Variants in NCALD observed in about 807,000 individuals in gnomAD.
The protein encoded by NCALD is neurocalcin delta.
A neutral mutation model predicts 18.6 loss-of-function variants in NCALD; 10 were observed. The ratio of observed to expected loss-of-function variants is 0.54; its 90% CI spans 0.33 to 0.91. NCALD has a LOEUF of 0.91. Among genes scored for constraint, NCALD ranks in the 40% least tolerant of loss-of-function variants. The pLI, the probability that NCALD is intolerant of heterozygous loss-of-function variation, is 0.03. For missense variants in NCALD, 184 were observed against 247.6 expected (o/e 0.74, Z 1.72); for synonymous variants, 88 against 87.4 (o/e 1.01, Z -0.04).
At chr8:101,706,620 G>A (rs1397216570) in intron 2 of NCALD, among the ~76,000 whole-genome samples, 2 of 152,182 alleles carry the variant, frequency 1.3e-5, no homozygotes, top group Non-Finnish European at 2.9e-5. Context: ...ATGCAATCAA[G>A]TTAACATGAG....
intron 2 of NCALD, among the ~76,000 whole-genome samples, chr8:102,005,523 C>G (rs1196323433): frequency 6.6e-6 from 1 of 152,182 alleles, no homozygotes; most frequent in East Asian, 1.9e-4. Flanking sequence ...CATCCCATTA[C>G]TGGGTATATA....
chr8:101,758,910 C>A (rs959785022), intron 1 of NCALD, among the ~76,000 whole-genome samples: 6 of 152,168 alleles, frequency 3.9e-5, no homozygotes, highest in Admixed American at 2.6e-4. Context: ...TGGAGAGTTG[C>A]ATCACATGTA....
chr8:101,834,821 T>C (rs1814341601), intron 4 of NCALD, among the ~76,000 whole-genome samples: 1 of 152,210 alleles, frequency 6.6e-6, no homozygotes, highest in African/African-American at 2.4e-5. Context: ...TAGGCCAACT[T>C]AAACTGTATC....
At position 101,689,477 on chromosome 8, in the gene NCALD, C is replaced by CCCAGCACGCA; in HGVS notation, c.485-72_485-71insTGCGTGCTGG. ...TGAGCTTACACCCTTCCCACTACTG[C>CCCAGCACGCA]GTGCTGGGCAGTGTCGATTCACCTG... On this transcript the variant is annotated intron_variant, in intron 3 of 3. Transcript: ENST00000220931. The surrounding 1 kb of genome is among the most constrained non-coding windows in gnomAD (Gnocchi z 4.4). The CCCAGCACGCA allele has an allele frequency of 8.2e-7, 1 of 1,213,866 alleles. No individual in the cohort carries two copies. The highest frequency in any genetic ancestry group is 1.2e-6 in the Non-Finnish European group (1 of 845,086). 75.2% of individuals were successfully genotyped at this position (1,213,866 alleles called of 1,614,324 possible). A position where few individuals can be genotyped will look rare whatever the true frequency, so the allele number is the denominator to read the frequency against.
At chr8:101,879,522 G>T (rs1175565310) in intron 4 of NCALD, among the ~76,000 whole-genome samples, 1 of 152,156 alleles carries the variant, frequency 6.6e-6, no homozygotes, top group Non-Finnish European at 1.5e-5. Context: ...GCAAGCAACA[G>T]CAAGAGCTGC....
intron 4 of NCALD, among the ~76,000 whole-genome samples, chr8:101,825,317 G>T (rs1055425903): frequency 3.9e-5 from 6 of 152,234 alleles, no homozygotes; most frequent in Non-Finnish European, 7.3e-5. Context: ...TGGAAGGTCT[G>T]TCCTTCAGCA....
intron 2 of NCALD, among the ~76,000 whole-genome samples, chr8:101,697,202 G>A (rs915770089): frequency 6.6e-6 from 1 of 151,860 alleles, no homozygotes; most frequent in Non-Finnish European, 1.5e-5. Context: ...TAGAAGAAAT[G>A]TATAAATTCC....
intron 4 of NCALD, among the ~76,000 whole-genome samples, chr8:101,801,823 T>C (rs1053819035): frequency 1.4e-4 from 22 of 151,884 alleles, no homozygotes; most frequent in South Asian, 2.1e-4. Flanking sequence ...CCCGCCACCA[T>C]GCCCAGCTAA....
At chr8:102,004,309 A>G (rs906539820) in intron 2 of NCALD, among the ~76,000 whole-genome samples, 21 of 152,342 alleles carry the variant, frequency 1.4e-4, no homozygotes, top group Admixed American at 5.9e-4. Flanking sequence ...ATACTTAGGA[A>G]TCCAACTTAC....
chr8:102,042,890 C>G (rs1563568060), intron 1 of NCALD, among the ~76,000 whole-genome samples: 1 of 151,858 alleles, frequency 6.6e-6, no homozygotes, highest in East Asian at 1.9e-4. Flanking sequence ...CTGCCAGGCC[C>G]AGAGAGTTCA....
chr8:101,801,651 T>A (rs1287548500), intron 4 of NCALD, among the ~76,000 whole-genome samples: 4 of 70,498 alleles, frequency 5.7e-5, no homozygotes, highest in African/African-American at 3.8e-4. Flanking sequence ...TACTTTTTTT[T>A]TTTTTTTTTT....
intron 1 of NCALD, among the ~76,000 whole-genome samples, chr8:101,766,626 A>C (rs1811359246): frequency 1.3e-5 from 2 of 152,114 alleles, no homozygotes; most frequent in African/African-American, 4.8e-5. Context: ...TCTGTCTGTC[A>C]CCCAGGCTGG....
intron 3 of NCALD, among the ~76,000 whole-genome samples, chr8:101,910,952 C>T (rs1371047360): frequency 4.6e-5 from 7 of 152,170 alleles, no homozygotes; most frequent in African/African-American, 1.7e-4. Context: ...AATGCACTTG[C>T]TCTGAGCTTT....
chr8:102,069,968 G>A (rs1463242551), intron 1 of NCALD: 1 of 152,098 alleles, frequency 6.6e-6, no homozygotes, highest in Non-Finnish European at 1.5e-5. Flanking sequence ...ACAAAATTTA[G>A]CCAGATGTGG....
At chr8:102,110,100 CACCCAG>C (rs1825594684) in intron 1 of NCALD, among the ~76,000 whole-genome samples, 1 of 152,152 alleles carries the variant, frequency 6.6e-6, no homozygotes, top group Non-Finnish European at 1.5e-5. Context: ...GGTAGGGAAA[CACCCAG>C]ACCTTTAACA....
intron 1 of NCALD, among the ~76,000 whole-genome samples, chr8:102,071,901 T>C (rs1325930721): frequency 6.6e-6 from 1 of 152,222 alleles, no homozygotes; most frequent in Non-Finnish European, 1.5e-5. Flanking sequence ...TCTCACAAAC[T>C]GACCTATGGA....
intron 3 of NCALD, chr8:101,692,346 GACCCCAACAAAACCCCTTTGGC>G: frequency 1.0e-6 from 1 of 985,366 alleles, no homozygotes; most frequent in Non-Finnish European, 1.2e-6. Context: ...ATGCACAGGA[GACCCCAACAAAACCCCTTTGGC>G]AGGCTGGAGT....
chr8:102,036,136 A>C (rs1299925230), intron 1 of NCALD, among the ~76,000 whole-genome samples: 1 of 150,612 alleles, frequency 6.6e-6, no homozygotes, highest in Non-Finnish European at 1.5e-5. Flanking sequence ...AAAATAAATA[A>C]ATAAATAAAT....
intron 4 of NCALD, among the ~76,000 whole-genome samples, chr8:101,831,354 G>T (rs1055041287): frequency 6.6e-6 from 1 of 152,008 alleles, no homozygotes; most frequent in Non-Finnish European, 1.5e-5. Context: ...ATTACTGCTT[G>T]GGAAGATCTA....
Sources: gnomAD v4.1 joint callset for allele counts (sites outside exome capture counted in the v4.1 genomes callset) on GRCh38, gnomAD v4.1.1 for gene constraint, Gnocchi (gnomAD v3.1) non-coding constraint, MANE v1.5 for transcripts, NCBI Gene and HGNC (gene_info 2026-07-23, HGNC 2026-07-21) for gene names.